The following ADAMTSL1 variants were observed in gnomAD, a reference collection of about 807,000 sequenced individuals.
The protein encoded by ADAMTSL1 is ADAMTS-like protein 1.
ADAMTSL1 carries 126 observed loss-of-function variants against 201.8 expected under a neutral mutation model. That is an observed-to-expected ratio of 0.62 (90% CI 0.54 to 0.72). The LOEUF (loss-of-function observed/expected upper bound fraction) is 0.72. Ranked by LOEUF, ADAMTSL1 falls within the 30% of genes least tolerant of loss-of-function variation. The pLI is 0.00. For synonymous variants in ADAMTSL1, 1,121 were observed against 903.4 expected (o/e 1.24, Z -4.32); for missense variants, 2,679 against 2,277.8 (o/e 1.18, Z -3.59).
chr9:17,908,568 T>A (rs1396895581), intron 1 of ADAMTSL1, among the ~76,000 whole-genome samples: 9 of 152,142 alleles, frequency 5.9e-5, no homozygotes, highest in Non-Finnish European at 1.3e-4. Context: ...GCGATTCTCC[T>A]GCCTCAGCCT....
intron 2 of ADAMTSL1, among the ~76,000 whole-genome samples, chr9:18,467,978 C>A (rs1314667004): frequency 6.6e-6 from 1 of 152,148 alleles, no homozygotes; most frequent in Non-Finnish European, 1.5e-5. Context: ...TAGAACTGAA[C>A]TAGGAATTAG....
intron 2 of ADAMTSL1, among the ~76,000 whole-genome samples, chr9:18,287,549 T>C (rs1051907114): frequency 9.9e-5 from 15 of 151,008 alleles, no homozygotes; most frequent in African/African-American, 9.7e-5. Flanking sequence ...TACATATACA[T>C]ACATGTAGAA....
chr9:18,198,239 A>G (rs1479698324), intron 2 of ADAMTSL1, among the ~76,000 whole-genome samples: 1 of 151,488 alleles, frequency 6.6e-6, no homozygotes, highest in Non-Finnish European at 1.5e-5. Flanking sequence ...AATGGCAACA[A>G]AAGCCAAAAT....
intron 1 of ADAMTSL1, among the ~76,000 whole-genome samples, chr9:17,933,585 A>G (rs1184122086): frequency 2.6e-5 from 4 of 152,176 alleles, no homozygotes; most frequent in Non-Finnish European, 5.9e-5. Flanking sequence ...TATAAAGAAG[A>G]GAGGTTTAGT....
chr9:18,526,990 G>A (rs1377280696), intron 2 of ADAMTSL1, among the ~76,000 whole-genome samples: 2 of 152,144 alleles, frequency 1.3e-5, no homozygotes, highest in African/African-American at 4.8e-5. Context: ...AAAGAAGAGA[G>A]ATAGGCTTGT....
intron 3 of ADAMTSL1, among the ~76,000 whole-genome samples, chr9:18,552,372 T>A (rs1347394887): frequency 6.6e-6 from 1 of 151,844 alleles, no homozygotes; most frequent in Non-Finnish European, 1.5e-5. Flanking sequence ...AACTTCTAAA[T>A]ACATGGGGCA....
Position 18,611,732 on chromosome 9 carries a change from G to A in ADAMTSL1, c.475-10511G>A, listed in dbSNP as rs556692288. 4.6e-5 allele frequency among the ~76,000 whole-genome samples: 7 copies of A among 152,234 alleles called. No individual in the cohort carries two copies. The East Asian group carries it at 1.4e-3, about 29-fold the overall frequency. Reference sequence around the variant, plus strand: ...AATATAGGAAAAAATTATTTAAAATGTTTGCCATCTTAGCTCAAATAATAA... The same window carrying A: ...AATATAGGAAAAAATTATTTAAAATATTTGCCATCTTAGCTCAAATAATAA... On this transcript the variant is annotated intron_variant, in intron 4 of 28. Transcript: ENST00000380548.
chr9:18,166,007 A>G (rs1234334905), intron 2 of ADAMTSL1, among the ~76,000 whole-genome samples: 8 of 151,910 alleles, frequency 5.3e-5, no homozygotes, highest in Non-Finnish European at 1.2e-4. Flanking sequence ...GAATGGGAGA[A>G]TCAACAAGAA....
chr9:18,191,366 C>G (rs1194794170), intron 2 of ADAMTSL1, among the ~76,000 whole-genome samples: 1 of 152,176 alleles, frequency 6.6e-6, no homozygotes, highest in Non-Finnish European at 1.5e-5. Context: ...AGGACAGGCC[C>G]TGCATTGACT....
intron 1 of ADAMTSL1, among the ~76,000 whole-genome samples, chr9:17,947,433 A>T (rs769523204): frequency 5.3e-5 from 8 of 151,508 alleles, no homozygotes; most frequent in Non-Finnish European, 1.2e-4. Context: ...AATTGTTTCA[A>T]CCCTGTGCAT....
intron 14 of ADAMTSL1, among the ~76,000 whole-genome samples, chr9:18,716,394 A>G (rs1481546452): frequency 1.3e-5 from 2 of 152,124 alleles, no homozygotes; most frequent in Non-Finnish European, 2.9e-5. Context: ...TTTACAAGAA[A>G]AAAACAAACA....
intron 1 of ADAMTSL1, among the ~76,000 whole-genome samples, chr9:17,914,220 A>G (rs1825998329): frequency 6.6e-6 from 1 of 152,194 alleles, no homozygotes; most frequent in Non-Finnish European, 1.5e-5. Flanking sequence ...CACAACCAAA[A>G]AAGAGAATTT....
Position 18,493,555 on chromosome 9 carries a change from G to A in ADAMTSL1, c.64-11274G>A, listed in dbSNP as rs535805396. ...TTGGCAAACAAGGATCTAGGACTTG[G>A]ATAAAGCTAGATTAAGCCAAGATGT... On this transcript the variant is annotated intron_variant, in intron 1 of 28. Transcript: ENST00000380548. Among the ~76,000 whole-genome samples, 24 of 152,278 alleles carry A rather than the reference G, an allele frequency of 1.6e-4. No individual in the cohort carries two copies. The East Asian group carries it at 4.2e-3, about 27-fold the overall frequency.
intron 1 of ADAMTSL1, among the ~76,000 whole-genome samples, chr9:17,998,012 A>G (rs1472795867): frequency 2.0e-5 from 3 of 152,032 alleles, no homozygotes; most frequent in East Asian, 3.9e-4. Flanking sequence ...CATTAATAAA[A>G]TATGATCACT....
chr9:18,144,770 A>C (rs1826556607), intron 1 of ADAMTSL1, among the ~76,000 whole-genome samples: 1 of 152,154 alleles, frequency 6.6e-6, no homozygotes, highest in Admixed American at 6.5e-5. Context: ...AAAGTCACCC[A>C]GCTCAGAGGG....
chr9:18,130,142 A>G (rs922912098), intron 1 of ADAMTSL1, among the ~76,000 whole-genome samples: 5 of 152,088 alleles, frequency 3.3e-5, no homozygotes, highest in South Asian at 4.1e-4. Context: ...TTGCCATCAC[A>G]GTAACCTCAG....
chr9:18,717,376 C>T (rs1833016615), intron 14 of ADAMTSL1, among the ~76,000 whole-genome samples: 1 of 151,782 alleles, frequency 6.6e-6, no homozygotes, highest in Admixed American at 6.6e-5. Flanking sequence ...ACTGAAAGGA[C>T]TATCATATTT....
chr9:18,408,710 G>A (rs1247277348), intron 2 of ADAMTSL1, among the ~76,000 whole-genome samples: 1 of 152,124 alleles, frequency 6.6e-6, no homozygotes, highest in Non-Finnish European at 1.5e-5. Flanking sequence ...TACTTTTCAA[G>A]TTGTTAGTAA....
At chr9:18,514,327 C>CTTTTTTTT (rs397963773) in intron 2 of ADAMTSL1, among the ~76,000 whole-genome samples, 21 of 100,086 alleles carry the variant, frequency 2.1e-4, no homozygotes, top group Non-Finnish European at 2.8e-4. Flanking sequence ...ATTTTTCTTT[C>CTTTTTTTT]TTTTTTTTTT....
Sources: allele counts gnomAD v4.1 joint callset (sites outside exome capture counted in the v4.1 genomes callset), GRCh38; gene constraint gnomAD v4.1.1; transcripts MANE v1.5; gene names NCBI Gene and HGNC (gene_info 2026-07-23, HGNC 2026-07-21).